Variants in IL1RL1 observed in about 807,000 individuals in gnomAD.
IL1RL1 encodes the protein interleukin 1 receptor like 1.
A neutral mutation model predicts 50.9 loss-of-function variants in IL1RL1; 32 were observed. That is an observed-to-expected ratio of 0.63 (90% CI 0.47 to 0.84). The LOEUF is 0.84. IL1RL1 is among the 40% of genes least tolerant of loss of function. IL1RL1 has a pLI of 0.00. For synonymous variants in IL1RL1, 275 were observed against 236.0 expected (o/e 1.17, Z -1.51); for missense variants, 773 against 662.9 (o/e 1.17, Z -1.82).
At position 102,351,774 on chromosome 2, in the gene IL1RL1, G is replaced by C. The variant is rs773744960; in HGVS notation, c.1524G>C (p.Gly508=). Reference sequence around the variant, plus strand: ...TCCAGCATCTTATGAAAGTACAGGGGACCATCAAGTGGAGGGAGGACCACA... The same window carrying C: ...TCCAGCATCTTATGAAAGTACAGGGCACCATCAAGTGGAGGGAGGACCACA... The part of the protein sequence containing the change: ...DSLQHLMKVQ[G]TIKWREDHIA... The change falls in exon 11 of 11, where the codon GGG becomes GGC. Residue 508 remains glycine, a synonymous_variant. Coordinates refer to ENST00000233954, the MANE Select transcript of IL1RL1 (RefSeq NM_016232.5). 1 of 1,614,106 alleles carries C rather than the reference G, an allele frequency of 6.2e-7. No homozygotes were observed. Among genetic ancestry groups the C allele is most frequent in the Non-Finnish European group, 8.5e-7 (1 of 1,180,006 alleles).
In IL1RL1 at chr2:102,312,011, A is replaced by ATAT. The variant is rs1553659812; in HGVS notation, c.-150+389_-150+390insATT. On this transcript the variant is annotated intron_variant, in intron 1 of 10. Coordinates refer to ENST00000233954, the MANE Select transcript of IL1RL1 (RefSeq NM_016232.5). ...TATTATATATAATATATTTATATAT[A>ATAT]TTATATATAATATATATTATATATT... Among the ~76,000 whole-genome samples the ATAT allele has an allele frequency of 8.1e-5, 3 of 36,972 alleles. No individual in the cohort carries two copies. In the East Asian group the frequency reaches 2.7e-3, roughly 34 times the overall value. 24.3% of individuals were successfully genotyped at this position (36,972 alleles called of 152,430 possible).
At chr2:102,342,900 G>A (rs1159196127) in intron 6 of IL1RL1, 136 bp from the exon 7 acceptor site, 1 of 765,760 alleles carries the variant, frequency 1.3e-6, no homozygotes, top group African/African-American at 1.8e-5. Flanking sequence ...AAAGAGGAAG[G>A]TGCTAGAGAT....
chr2:102,319,047 G>A (rs1449206911), intron 1 of IL1RL1, among the ~76,000 whole-genome samples: 2 of 152,138 alleles, frequency 1.3e-5, no homozygotes, highest in Non-Finnish European at 2.9e-5. Context: ...TTAAAAATAA[G>A]TAAATCAGCT....
rs539688300 is a variant in IL1RL1, at chr2:102,325,683, G to A, written c.-149-12433G>A. ...GGACCTGATGGAGCTGAAAACCATGGCACGAGAACTACGTGATGAATGCGC... is the reference window on the plus strand; with the variant it reads ...GGACCTGATGGAGCTGAAAACCATGACACGAGAACTACGTGATGAATGCGC... On this transcript the variant is annotated intron_variant, in intron 1 of 10. Transcript: ENST00000233954. Among the ~76,000 whole-genome samples, 222 of 152,340 alleles carry A rather than the reference G, an allele frequency of 1.5e-3. 2 individuals are homozygous for A. Among genetic ancestry groups the A allele is most frequent in the African/African-American group, 5.1e-3 (213 of 41,576 alleles).
chr2:102,340,924 T>G, intron 5 of IL1RL1, 96 bp downstream of exon 5: 1 of 942,182 alleles, frequency 1.1e-6, no homozygotes, highest in African/African-American at 1.7e-5. Context: ...CACTTCTCCC[T>G]CCTCCCTTTA....
Position 102,338,856 on chromosome 2 carries a change from G to C in IL1RL1, c.81G>C (p.Leu27=). 6.2e-7 allele frequency: 1 copy of C among 1,612,902 alleles called. No individual in the cohort carries two copies. The highest frequency in any genetic ancestry group is 8.5e-7 in the Non-Finnish European group (1 of 1,179,024). ...TTGCAGGTAAACAATCATGGGGCCT[G>C]GAAAATGAGGCTTTAATTGTAAGAT... ...AAKFSKQSWG[L]ENEALIVRCP... The change falls in exon 3 of 11, where the codon CTG becomes CTC. Residue 27 remains leucine (L), a synonymous_variant. Transcript: ENST00000233954.
In IL1RL1 at chr2:102,351,925, C is replaced by T; in HGVS notation, c.*4C>T. 1 of 1,600,908 alleles carries T rather than the reference C, an allele frequency of 6.2e-7. No homozygotes were observed. The highest frequency in any genetic ancestry group is 1.1e-5 in the South Asian group (1 of 88,912). On this transcript the variant is annotated 3_prime_UTR_variant, in exon 11 of 11. Coordinates refer to ENST00000233954, the MANE Select transcript of IL1RL1 (RefSeq NM_016232.5). ...CTTGGCTGCCCAGAAGCAATAGTGC[C>T]TGCTGTGATGTGCAAAGGCATCTGA...
Position 102,348,099 on chromosome 2 carries a change from G to A in IL1RL1, c.1117+8G>A, listed in dbSNP as rs749584302. ...CTTACAAGACTAGGAATGGTAAGTG[G>A]CAAATACCAAGTTTTTCTCCCAAAG... is the stretch of plus-strand genomic sequence containing the variant. On this transcript the variant is annotated splice_region_variant and intron_variant, in intron 9 of 10. Transcript: ENST00000233954. The A allele has an allele frequency of 1.6e-5, 26 of 1,602,226 alleles. No individual in the cohort carries two copies. The highest frequency in any genetic ancestry group is 3.4e-5 in the South Asian group (3 of 88,838).
intron 1 of IL1RL1, among the ~76,000 whole-genome samples, chr2:102,315,090 G>T (rs1558619): frequency 0.51 from 77,194 of 151,942 alleles, 19,803 homozygotes; most frequent in Middle Eastern, 0.64. Context: ...TCCTATGCCT[G>T]TCTCTCAGGA....
chr2:102,333,095 C>T (rs769071630), intron 1 of IL1RL1, among the ~76,000 whole-genome samples: 3 of 152,096 alleles, frequency 2.0e-5, no homozygotes, highest in Non-Finnish European at 2.9e-5. Flanking sequence ...TCTGTAAAGA[C>T]GTTGGCTTTT....
At chr2:102,341,661 C>T (rs77916115) in intron 5 of IL1RL1, among the ~76,000 whole-genome samples, 164 of 152,222 alleles carry the variant, frequency 1.1e-3, no homozygotes, top group African/African-American at 3.9e-3. Flanking sequence ...TTACAGTGGT[C>T]CTTAATCACA....
Position 102,351,922 on chromosome 2 carries a change from T to A in IL1RL1, c.*1T>A. Reference sequence around the variant, plus strand: ...TCCCTTGGCTGCCCAGAAGCAATAGTGCCTGCTGTGATGTGCAAAGGCATC... The same window carrying A: ...TCCCTTGGCTGCCCAGAAGCAATAGAGCCTGCTGTGATGTGCAAAGGCATC... On this transcript the variant is annotated 3_prime_UTR_variant, in exon 11 of 11. Coordinates refer to ENST00000233954, the MANE Select transcript of IL1RL1 (RefSeq NM_016232.5). The A allele has an allele frequency of 2.5e-6, 4 of 1,603,452 alleles. No individual in the cohort carries two copies. Among genetic ancestry groups the A allele is most frequent in the Non-Finnish European group, 3.4e-6 (4 of 1,175,344 alleles).
Position 102,334,105 on chromosome 2 carries a change from G to C in IL1RL1, c.-149-4011G>C, listed in dbSNP as rs78199944. On this transcript the variant is annotated intron_variant, in intron 1 of 10. Coordinates refer to ENST00000233954, the MANE Select transcript of IL1RL1 (RefSeq NM_016232.5). The stretch of plus-strand genomic sequence containing the variant: ...AATTTCTTTTCCTTAGAAAAGTAGT[G>C]AGATTTCTGGGTTGAATGGTAGTTT... Among the ~76,000 whole-genome samples, 376 of 152,224 alleles carry C rather than the reference G, an allele frequency of 2.5e-3. 1 individual carries two copies. Among genetic ancestry groups the C allele is most frequent in the Non-Finnish European group, 4.4e-3 (298 of 68,002 alleles).
intron 1 of IL1RL1, among the ~76,000 whole-genome samples, chr2:102,328,821 G>A (rs1224034230): frequency 6.6e-6 from 1 of 152,142 alleles, no homozygotes; most frequent in Non-Finnish European, 1.5e-5. Flanking sequence ...GCAAACCACT[G>A]CTCAATGAAA....
intron 1 of IL1RL1, among the ~76,000 whole-genome samples, chr2:102,326,253 A>C (rs1241728305): frequency 3.9e-5 from 6 of 152,210 alleles, no homozygotes; most frequent in Non-Finnish European, 5.9e-5. Flanking sequence ...AGCCAAACTA[A>C]GCTTCATAAG....
At chr2:102,342,373 C>G in intron 6 of IL1RL1, 79 bp downstream of exon 6, 1 of 987,988 alleles carries the variant, frequency 1.0e-6, no homozygotes, top group East Asian at 2.4e-5. Flanking sequence ...ATTCCCTTAG[C>G]AGGGGTCAGG....
Position 102,340,723 on chromosome 2 carries a change from G to C in IL1RL1, c.505G>C (p.Asp169His), listed in dbSNP as rs771404675. Residue 169 changes from aspartate (D) to histidine (H), a missense_variant, in exon 5 of 11, where the codon GAT (aspartate) becomes CAT (histidine). By Grantham distance (81) the Asp-to-His change is moderately conservative. Transcript: ENST00000233954. ...YRAHKSFLVI[D>H]NVMTEDAGDY... is the part of the protein sequence containing the mutation. The stretch of plus-strand genomic sequence containing the variant: ...GGCGCACAAGTCATTTTTGGTCATT[G>C]ATAATGTGATGACTGAGGACGCAGG... 1.0e-5 allele frequency: 16 copies of C among 1,601,322 alleles called. No individual in the cohort carries two copies. The highest frequency in any genetic ancestry group is 1.4e-5 in the Non-Finnish European group (16 of 1,176,366).
intron 1 of IL1RL1, among the ~76,000 whole-genome samples, chr2:102,329,905 T>C (rs1309049287): frequency 6.6e-6 from 1 of 152,208 alleles, no homozygotes; most frequent in Non-Finnish European, 1.5e-5. Context: ...TGTAAACTAG[T>C]TCAACCATTG....
At chr2:102,333,020 C>A (rs1297988856) in intron 1 of IL1RL1, among the ~76,000 whole-genome samples, 1 of 152,000 alleles carries the variant, frequency 6.6e-6, no homozygotes, top group Non-Finnish European at 1.5e-5. Flanking sequence ...AATGAGGATA[C>A]GGGGTTGGAG....
Sources: gnomAD v4.1 joint callset for allele counts (sites outside exome capture counted in the v4.1 genomes callset) on GRCh38, gnomAD v4.1.1 for gene constraint, MANE v1.5 for transcripts, NCBI Gene and HGNC (gene_info 2026-07-23, HGNC 2026-07-21) for gene names.